Variants in CCDC15 observed in about 807,000 individuals in gnomAD.
CCDC15 encodes coiled-coil domain containing 15.
Under a neutral mutation model 114.5 loss-of-function variants are expected in CCDC15, and 105 were observed. That is an observed-to-expected ratio of 0.92 (90% CI 0.78 to 1.08). The LOEUF is 1.08. CCDC15 is among the 50% of genes least tolerant of loss of function. The pLI is 0.00. For synonymous variants in CCDC15, 334 were observed against 377.8 expected, an observed-to-expected ratio of 0.88 and a Z score of 1.34; for missense variants, 1,105 against 1,093.6, an observed-to-expected ratio of 1.01 and a Z score of -0.15.
chr11:124,960,613 A>G (rs868081367), intron 4 of CCDC15, among the ~76,000 whole-genome samples: 1 of 152,214 alleles, frequency 6.6e-6, no homozygotes, highest in Middle Eastern at 3.2e-3. Context: ...CTATAGTTGT[A>G]GGTTAAAGAA....
intron 11 of CCDC15, among the ~76,000 whole-genome samples, chr11:124,998,391 G>A (rs940794209): frequency 2.6e-5 from 4 of 152,048 alleles, no homozygotes; most frequent in Non-Finnish European, 4.4e-5. Context: ...GGTAAATTCC[G>A]TTCTATTATT....
At chr11:125,025,067 A>AATAC (rs1948688622) in intron 13 of CCDC15, among the ~76,000 whole-genome samples, 1 of 115,118 alleles carries the variant, frequency 8.7e-6, no homozygotes, top group Non-Finnish European at 1.7e-5. Flanking sequence ...TATATATATG[A>AATAC]ATATATGAAT....
At chr11:124,977,863 A>T (rs1162731322) in intron 6 of CCDC15, among the ~76,000 whole-genome samples, 1 of 152,104 alleles carries the variant, frequency 6.6e-6, no homozygotes, top group Non-Finnish European at 1.5e-5. Flanking sequence ...TTAATTTTTT[A>T]AAATAACTTT....
intron 13 of CCDC15, among the ~76,000 whole-genome samples, chr11:125,012,347 T>G (rs1275150063): frequency 2.0e-5 from 3 of 152,216 alleles, no homozygotes; most frequent in Non-Finnish European, 4.4e-5. Context: ...CTAAGAGTGA[T>G]TCTGCATTTA....
intron 4 of CCDC15, among the ~76,000 whole-genome samples, chr11:124,969,839 G>A (rs1385328679): frequency 1.3e-5 from 2 of 152,196 alleles, no homozygotes; most frequent in Admixed American, 1.3e-4. Flanking sequence ...TTTGAGGAAT[G>A]CAACTGGAGA....
chr11:124,988,766 A>G (rs1045923611), intron 8 of CCDC15, among the ~76,000 whole-genome samples: 1 of 152,236 alleles, frequency 6.6e-6, no homozygotes, highest in African/African-American at 2.4e-5. Flanking sequence ...TTCCATCTCA[A>G]GAAAACACTT....
At chr11:125,030,295 T>C (rs564606012) in intron 13 of CCDC15, among the ~76,000 whole-genome samples, 1 of 152,296 alleles carries the variant, frequency 6.6e-6, no homozygotes, top group South Asian at 2.1e-4. Flanking sequence ...TGTCACCTAA[T>C]TGGCGTTGTA....
intron 4 of CCDC15, among the ~76,000 whole-genome samples, chr11:124,969,275 T>C (rs2135447924): frequency 6.6e-6 from 1 of 152,276 alleles, no homozygotes; most frequent in East Asian, 1.9e-4. Context: ...CAGTTAAGAT[T>C]AGTTGCCTAA....
intron 13 of CCDC15, among the ~76,000 whole-genome samples, chr11:125,026,088 CA>C (rs1278419549): frequency 2.6e-5 from 4 of 152,108 alleles, no homozygotes; most frequent in Non-Finnish European, 5.9e-5. Context: ...TTAGCTGCCC[CA>C]GCTGGTATCT....
chr11:125,025,225 GT>G (rs1948692994), intron 13 of CCDC15, among the ~76,000 whole-genome samples: 1 of 148,822 alleles, frequency 6.7e-6, no homozygotes, highest in African/African-American at 2.5e-5. Context: ...AGAAATGAAT[GT>G]TAAACCAACT....
At chr11:125,011,383 G>A (rs947585956) in intron 13 of CCDC15, among the ~76,000 whole-genome samples, 1 of 151,738 alleles carries the variant, frequency 6.6e-6, no homozygotes, top group Non-Finnish European at 1.5e-5. Flanking sequence ...GACCACAGGC[G>A]TATGCCACCA....
chr11:124,986,703 G>GCGCGCGCA, intron 6 of CCDC15, 39 bp from the exon 7 acceptor site: 1 of 1,478,244 alleles, frequency 6.8e-7, no homozygotes, highest in Non-Finnish European at 9.1e-7. Context: ...GTGTGTGTGC[G>GCGCGCGCA]CGCGCGCGCG....
chr11:124,988,807 T>TGA (rs1948220351), intron 8 of CCDC15, among the ~76,000 whole-genome samples: 2 of 152,208 alleles, frequency 1.3e-5, no homozygotes, highest in Non-Finnish European at 2.9e-5. Flanking sequence ...TAACTCCTTA[T>TGA]CCATTTAAGT....
At chr11:125,037,740 C>T (rs146283237) in intron 13 of CCDC15, among the ~76,000 whole-genome samples, 28 of 152,246 alleles carry the variant, frequency 1.8e-4, no homozygotes, top group African/African-American at 6.7e-4. Flanking sequence ...TCTTGAAAAC[C>T]ATCATTTCTT....
intron 13 of CCDC15, among the ~76,000 whole-genome samples, chr11:125,010,248 G>C (rs897274717): frequency 6.6e-6 from 1 of 151,926 alleles, no homozygotes; most frequent in African/African-American, 2.4e-5. Context: ...GTTTTGATTT[G>C]CATTTCTCTG....
chr11:125,030,711 G>A (rs988449677), intron 13 of CCDC15, among the ~76,000 whole-genome samples: 2 of 152,196 alleles, frequency 1.3e-5, no homozygotes, highest in Non-Finnish European at 2.9e-5. Flanking sequence ...AGCAGTGGCT[G>A]TAGCCAGGTC....
At chr11:125,014,995 A>G (rs1017526469) in intron 13 of CCDC15, among the ~76,000 whole-genome samples, 2 of 152,218 alleles carry the variant, frequency 1.3e-5, no homozygotes, top group Non-Finnish European at 2.9e-5. Context: ...AATAAGCAGT[A>G]TATTTCTAAA....
intron 11 of CCDC15, among the ~76,000 whole-genome samples, chr11:124,998,535 C>T (rs932167091): frequency 6.6e-6 from 1 of 151,960 alleles, no homozygotes; most frequent in Non-Finnish European, 1.5e-5. Flanking sequence ...ATATACATAC[C>T]AAACCTTTCA....
intron 4 of CCDC15, among the ~76,000 whole-genome samples, chr11:124,972,069 A>G (rs1041054519): frequency 6.6e-6 from 1 of 152,152 alleles, no homozygotes; most frequent in Non-Finnish European, 1.5e-5. Context: ...AACTATGATT[A>G]TGTTTCCGTC....
Sources: gnomAD v4.1 joint callset for allele counts (sites outside exome capture counted in the v4.1 genomes callset) on GRCh38, gnomAD v4.1.1 for gene constraint, MANE v1.5 for transcripts, NCBI Gene and HGNC (gene_info 2026-07-23, HGNC 2026-07-21) for gene names.